Variants in MGST1 observed in about 807,000 individuals in gnomAD.
MGST1 encodes glutathione S-transferase 12.
Under a neutral mutation model 8.9 loss-of-function variants are expected in MGST1, and 5 were observed. The ratio of observed to expected loss-of-function variants is 0.56; its 90% CI spans 0.29 to 1.19. MGST1 has a LOEUF of 1.19. Among genes scored for constraint, MGST1 ranks in the 50% most tolerant of loss-of-function variants. The pLI, the probability that MGST1 is intolerant of heterozygous loss-of-function variation, is 0.08. For synonymous variants in MGST1, 54 were observed against 67.8 expected, an observed-to-expected ratio of 0.80 and a Z score of 1.00; for missense variants, 182 against 187.4, an observed-to-expected ratio of 0.97 and a Z score of 0.17.
chr12:16,480,271 T>C (rs1941356057), intron 4 of MGST1, among the ~76,000 whole-genome samples: 1 of 151,464 alleles, frequency 6.6e-6, no homozygotes, highest in Non-Finnish European at 1.5e-5. Context: ...ACCTCCTGAG[T>C]AGCTGGGACT....
chr12:16,402,002 G>A (rs1940659815), intron 1 of MGST1: 5 of 1,611,432 alleles, frequency 3.1e-6, no homozygotes, highest in African/African-American at 1.3e-5. Flanking sequence ...CAGGGAATTT[G>A]TCTTTGCTGA....
At chr12:16,446,120 T>C (rs1374375681) in intron 4 of MGST1, among the ~76,000 whole-genome samples, 4 of 151,904 alleles carry the variant, frequency 2.6e-5, no homozygotes, top group African/African-American at 9.7e-5. Flanking sequence ...TTATACTCCC[T>C]CTGGGTGACT....
intron 1 of MGST1, among the ~76,000 whole-genome samples, chr12:16,394,518 CTTTCTTTCTTT>C: frequency 1.3e-5 from 1 of 77,726 alleles, no homozygotes; most frequent in African/African-American, 5.1e-5. Flanking sequence ...CTCTCCCTTT[CTTTCTTTCTTT>C]CTTTCTTTCT....
At chr12:16,593,184 C>T (rs951385449), downstream of MGST1, among the ~76,000 whole-genome samples, 6 of 151,696 alleles carry the variant, frequency 4.0e-5, no homozygotes, top group African/African-American at 7.3e-5. The surrounding 1 kb of genome is among the most constrained non-coding windows in gnomAD (Gnocchi z 4.2). Flanking sequence ...TTAATGTGGA[C>T]GATGCTTCAC....
rs114877689 is a variant in MGST1, at chr12:16,516,448, T to C, written n.483-73080T>C. 3.0e-3 allele frequency among the ~76,000 whole-genome samples: 458 copies of C among 152,346 alleles called. 5 individuals carry two copies. Among genetic ancestry groups the C allele is most frequent in the African/African-American group, 0.01 (417 of 41,586 alleles). On this transcript the variant is annotated intron_variant and non_coding_transcript_variant, in intron 4 of 4. Transcript: ENST00000538857. ...AAGATTTTATGGAATGGAAATTCAA[T>C]TGGGCATCAGAAGACCTGGATATTA...
intron 4 of MGST1, among the ~76,000 whole-genome samples, chr12:16,472,615 C>T (rs1337631214): frequency 6.6e-6 from 1 of 152,138 alleles, no homozygotes; most frequent in African/African-American, 2.4e-5. Flanking sequence ...AATAAACTCT[C>T]TTTCTACAAT....
chr12:16,400,627 T>C, intron 1 of MGST1: 2 of 1,374,388 alleles, frequency 1.5e-6, no homozygotes, highest in Non-Finnish European at 2.1e-6. Context: ...ACGCTTGGTA[T>C]GTAATTTCTT....
At chr12:16,568,142 G>C in intron 4 of MGST1, among the ~76,000 whole-genome samples, 1 of 152,096 alleles carries the variant, frequency 6.6e-6, no homozygotes, top group South Asian at 2.1e-4. Flanking sequence ...CGGTTTCTCT[G>C]GGTATTGTAT....
In MGST1 at chr12:16,387,773, G is replaced by A. The variant is rs554275547; in HGVS notation, n.778+4169G>A. On this transcript the variant is annotated intron_variant and non_coding_transcript_variant, in intron 1 of 1. Coordinates refer to the MGST1 transcript ENST00000359720. ...GATCTCCTGACCTCATGATCTGCCC[G>A]CCTTGGCCTCCTGAAGTGCTGGATT... Among the ~76,000 whole-genome samples, 9 of 152,132 alleles carry A rather than the reference G, an allele frequency of 5.9e-5. No homozygotes were observed. The South Asian group carries it at 1.0e-3, about 18-fold the overall frequency.
chr12:16,371,047 C>G (rs1165230653), intron 3 of MGST1, among the ~76,000 whole-genome samples: 3 of 152,038 alleles, frequency 2.0e-5, no homozygotes, highest in Admixed American at 2.0e-4. Flanking sequence ...TCAATAAATG[C>G]ATTGAATTAC....
intron 4 of MGST1, among the ~76,000 whole-genome samples, chr12:16,505,248 T>TA (rs375792392): frequency 4.6e-5 from 7 of 151,854 alleles, no homozygotes; most frequent in South Asian, 2.1e-4. Flanking sequence ...TCCACAAGAA[T>TA]AAAAAAAATG....
chr12:16,373,970 C>T (rs1284899847), intron 3 of MGST1, among the ~76,000 whole-genome samples: 2 of 152,012 alleles, frequency 1.3e-5, no homozygotes, highest in Non-Finnish European at 2.9e-5. Context: ...GAATTTTTTT[C>T]CATGAGATCA....
chr12:16,584,714 C>T lies in MGST1; in HGVS notation n.483-4814C>T, dbSNP rs1309657751. Reference sequence around the variant, plus strand: ...AATGGCTGCCATGAAGTTCAAGAAACAGCAAGAGATTTCTTTTATCAGGAC... The same window carrying T: ...AATGGCTGCCATGAAGTTCAAGAAATAGCAAGAGATTTCTTTTATCAGGAC... On this transcript the variant is annotated intron_variant and non_coding_transcript_variant, in intron 4 of 4. Coordinates refer to the MGST1 transcript ENST00000538857. This position sits in a 1 kb window ranked among gnomAD's most constrained non-coding sequence, Gnocchi z 5.2. Among the ~76,000 whole-genome samples, 1 of 152,088 alleles carries T rather than the reference C, an allele frequency of 6.6e-6. No homozygotes were observed. Among genetic ancestry groups the T allele is most frequent in the Non-Finnish European group, 1.5e-5 (1 of 68,028 alleles).
intron 1 of MGST1, chr12:16,399,200 TAC>T (rs1255026582): frequency 3.6e-5 from 48 of 1,350,410 alleles, no homozygotes; most frequent in Non-Finnish European, 4.5e-5. Flanking sequence ...AAAGGAAAAA[TAC>T]AGTTTCTATG....
intron 4 of MGST1, among the ~76,000 whole-genome samples, chr12:16,521,953 A>G (rs1057096180): frequency 0.011 from 2 of 178 alleles, no homozygotes; most frequent in Admixed American, 0.12. Flanking sequence ...GAAAGGTAGA[A>G]AAAAAAAATA....
chr12:16,397,516 C>T (rs1180466354), intron 1 of MGST1, among the ~76,000 whole-genome samples: 1 of 151,938 alleles, frequency 6.6e-6, no homozygotes, highest in East Asian at 1.9e-4. Context: ...AAAACCTTTA[C>T]AATCTATCCA....
intron 4 of MGST1, among the ~76,000 whole-genome samples, chr12:16,471,941 A>G (rs576023630): frequency 6.6e-6 from 1 of 152,166 alleles, no homozygotes; most frequent in Non-Finnish European, 1.5e-5. Flanking sequence ...ACACACACAC[A>G]GACACCAATG....
chr12:16,418,124 A>C (rs1202974404), intron 1 of MGST1, among the ~76,000 whole-genome samples: 2 of 152,156 alleles, frequency 1.3e-5, no homozygotes, highest in African/African-American at 4.8e-5. Context: ...ACAATTACTG[A>C]GTATCATCCA....
At chr12:16,432,315 A>G (rs1414466871) in intron 1 of MGST1, among the ~76,000 whole-genome samples, 1 of 152,112 alleles carries the variant, frequency 6.6e-6, no homozygotes, top group Non-Finnish European at 1.5e-5. Flanking sequence ...AGTGGATTCC[A>G]CCACAATCTC....
Sources: allele counts gnomAD v4.1 joint callset (sites outside exome capture counted in the v4.1 genomes callset), GRCh38; gene constraint gnomAD v4.1.1; non-coding constraint Gnocchi (gnomAD v3.1); transcripts MANE v1.5; gene names NCBI Gene and HGNC (gene_info 2026-07-23, HGNC 2026-07-21).